ABTB3: variants seen among roughly 807,000 people sequenced by gnomAD.
ABTB3 encodes ankyrin repeat- and BTB/POZ domain-containing protein 3.
the ABTB3 span, among the ~76,000 whole-genome samples, chr12:107,385,950 A>C: frequency 6.6e-6 from 1 of 152,170 alleles, no homozygotes; most frequent in Non-Finnish European, 1.5e-5. Flanking sequence ...GATTGTGTGG[A>C]GTTTCACAAA....
the ABTB3 span, among the ~76,000 whole-genome samples, chr12:107,349,681 A>C: frequency 6.6e-6 from 1 of 152,228 alleles, no homozygotes; most frequent in South Asian, 2.1e-4. Flanking sequence ...ACAGCAATTA[A>C]ATTTGAATGT....
At chr12:107,425,738 T>C in the ABTB3 span, among the ~76,000 whole-genome samples, 1 of 152,236 alleles carries the variant, frequency 6.6e-6, no homozygotes, top group Non-Finnish European at 1.5e-5. Context: ...TTTATTTCCA[T>C]GCCTGTGAAC....
the ABTB3 span, chr12:107,520,473 C>T: frequency 6.2e-7 from 1 of 1,611,822 alleles, no homozygotes; most frequent in Non-Finnish European, 8.5e-7. Flanking sequence ...TCTCTGTCTC[C>T]CTTCTGACTG....
chr12:107,556,342 C>T, the ABTB3 span, among the ~76,000 whole-genome samples: 9 of 152,028 alleles, frequency 5.9e-5, no homozygotes, highest in African/African-American at 1.9e-4. Flanking sequence ...GTGATCCACC[C>T]ACCTCAGCCT....
chr12:107,622,976 A>G, the ABTB3 span, among the ~76,000 whole-genome samples: 2 of 151,978 alleles, frequency 1.3e-5, no homozygotes, highest in African/African-American at 4.8e-5. Context: ...AAATGAATTC[A>G]GTGTCTCTAG....
the ABTB3 span, among the ~76,000 whole-genome samples, chr12:107,327,229 A>G: frequency 6.6e-6 from 1 of 152,190 alleles, no homozygotes; most frequent in Non-Finnish European, 1.5e-5. Flanking sequence ...AGCCACACCC[A>G]GAGTTATTTC....
chr12:107,547,361 C>G, the ABTB3 span, among the ~76,000 whole-genome samples: 1 of 152,228 alleles, frequency 6.6e-6, no homozygotes, highest in Non-Finnish European at 1.5e-5. Context: ...ATCCTCCCTG[C>G]TCCTGCTCAG....
the ABTB3 span, among the ~76,000 whole-genome samples, chr12:107,521,324 C>T: frequency 2.7e-5 from 4 of 149,942 alleles, no homozygotes; most frequent in African/African-American, 9.8e-5. Context: ...CCATGGCCTT[C>T]GTGCAAGGCT....
the ABTB3 span, among the ~76,000 whole-genome samples, chr12:107,459,967 G>T: frequency 1.2e-4 from 18 of 152,216 alleles, no homozygotes; most frequent in Non-Finnish European, 2.2e-4. Flanking sequence ...GGGTTGGGGG[G>T]CCGTAAGAAA....
the ABTB3 span, among the ~76,000 whole-genome samples, chr12:107,609,079 C>A: frequency 6.6e-6 from 1 of 152,188 alleles, no homozygotes; most frequent in African/African-American, 2.4e-5. Flanking sequence ...CTCTGCCTGG[C>A]GGCTTCCTTG....
At chr12:107,570,291 T>C in the ABTB3 span, among the ~76,000 whole-genome samples, 1 of 152,198 alleles carries the variant, frequency 6.6e-6, no homozygotes, top group Non-Finnish European at 1.5e-5. Context: ...CTCGGCTTAC[T>C]GCAACCTCTG....
At chr12:107,548,991 C>A in the ABTB3 span, among the ~76,000 whole-genome samples, 4 of 152,204 alleles carry the variant, frequency 2.6e-5, no homozygotes, top group Admixed American at 6.5e-5. Flanking sequence ...GAAAACTAGA[C>A]AATTAAGTAG....
the ABTB3 span, among the ~76,000 whole-genome samples, chr12:107,586,403 C>T: frequency 6.6e-6 from 1 of 152,172 alleles, no homozygotes; most frequent in Non-Finnish European, 1.5e-5. Context: ...CAGCCTCTCA[C>T]AGAGTCAGAA....
chr12:107,474,998 C>T, the ABTB3 span, among the ~76,000 whole-genome samples: 2 of 152,176 alleles, frequency 1.3e-5, no homozygotes, highest in African/African-American at 4.8e-5. Flanking sequence ...AGGCCCCTGA[C>T]TGTCCTCCTG....
chr12:107,593,840 T>C, the ABTB3 span, among the ~76,000 whole-genome samples: 2 of 152,128 alleles, frequency 1.3e-5, no homozygotes, highest in African/African-American at 4.8e-5. Flanking sequence ...ACTACGTCTA[T>C]CTAGTGGGAA....
At chr12:107,541,790 T>A in the ABTB3 span, among the ~76,000 whole-genome samples, 2 of 152,102 alleles carry the variant, frequency 1.3e-5, no homozygotes. Flanking sequence ...GCATGAAGAC[T>A]GAAAAACTAC....
chr12:107,517,822 C>A, the ABTB3 span, among the ~76,000 whole-genome samples: 1 of 152,142 alleles, frequency 6.6e-6, no homozygotes, highest in Non-Finnish European at 1.5e-5. Flanking sequence ...TCAGAGTGAA[C>A]AGGCAAACTA....
chr12:107,618,694 A>C, the ABTB3 span, among the ~76,000 whole-genome samples: 1 of 152,178 alleles, frequency 6.6e-6, no homozygotes, highest in Non-Finnish European at 1.5e-5. Flanking sequence ...GCTTGTCTGA[A>C]TACCAGTTGC....
At chr12:107,319,813 C>A in the ABTB3 span, 2 of 1,330,164 alleles carry the variant, frequency 1.5e-6, no homozygotes, top group African/African-American at 1.5e-5. Context: ...GGGAGGCGCC[C>A]GGGGGAGGAG....
Sources: gnomAD v4.1 joint callset for allele counts (sites outside exome capture counted in the v4.1 genomes callset) on GRCh38, gnomAD v4.1.1 for gene constraint, MANE v1.5 for transcripts, NCBI Gene and HGNC (gene_info 2026-07-23, HGNC 2026-07-21) for gene names.